Variants in GFI1B observed in about 807,000 individuals in gnomAD.
The protein encoded by GFI1B is zinc finger protein Gfi-1b.
A neutral mutation model predicts 35.3 loss-of-function variants in GFI1B; 20 were observed. The ratio of observed to expected loss-of-function variants is 0.57; its 90% CI spans 0.40 to 0.82. The LOEUF (loss-of-function observed/expected upper bound fraction) is 0.82. Among genes scored for constraint, GFI1B ranks in the 40% least tolerant of loss-of-function variants. GFI1B has a pLI of 0.00. For missense variants in GFI1B, 430 were observed against 446.3 expected (o/e 0.96, Z 0.33); for synonymous variants, 178 against 177.6 (o/e 1.00, Z -0.02).
Position 132,991,423 on chromosome 9 carries a change from A to T in GFI1B, c.*373A>T, listed in dbSNP as rs969910883. ...ACCTCCACCTGCCTGCTGCCCACTG[A>T]GCTGGGACCTGGTCACCTTGGATTT... On this transcript the variant is annotated 3_prime_UTR_variant, in exon 7 of 7. Coordinates refer to ENST00000372122, the MANE Select transcript of GFI1B (RefSeq NM_001377304.1). 7.6e-6 allele frequency: 2 copies of T among 264,230 alleles called. No individual in the cohort carries two copies. Among genetic ancestry groups the T allele is most frequent in the African/African-American group, 4.4e-5 (2 of 45,102 alleles). The allele number at this position is 264,230 out of a possible 1,614,324, so 16.4% of individuals were successfully genotyped here.
intron 1 of GFI1B, chr9:132,952,674 C>T (rs1488696504): frequency 1.3e-5 from 2 of 152,188 alleles, no homozygotes; most frequent in Admixed American, 1.3e-4. Flanking sequence ...GCTGGGACCT[C>T]CAGTACTATG....
At chr9:132,976,251 G>T (rs1055143757), upstream of GFI1B, among the ~76,000 whole-genome samples, 19 of 152,066 alleles carry the variant, frequency 1.2e-4, no homozygotes, top group African/African-American at 4.6e-4. Flanking sequence ...GTCAATAAAG[G>T]CTGCAAACGA....
chr9:132,980,458 T>C (rs139805493), intron 1 of GFI1B, among the ~76,000 whole-genome samples: 1 of 152,368 alleles, frequency 6.6e-6, no homozygotes, highest in African/African-American at 2.4e-5. Flanking sequence ...CTTTAGTCTA[T>C]AATATAGAGA....
intron 1 of GFI1B, among the ~76,000 whole-genome samples, chr9:132,970,277 C>T (rs1349309902): frequency 6.6e-6 from 1 of 152,132 alleles, no homozygotes; most frequent in Non-Finnish European, 1.5e-5. Context: ...CAGGGCCTCT[C>T]CCCATCAGTA....
intron 1 of GFI1B, among the ~76,000 whole-genome samples, chr9:132,957,492 C>A (rs949909757): frequency 1.3e-5 from 2 of 152,198 alleles, no homozygotes; most frequent in African/African-American, 4.8e-5. Context: ...CTAGCATCTC[C>A]TCTGCATTTC....
At chr9:132,986,636 G>C (rs530096075) in intron 1 of GFI1B, 23 bp from the exon 2 acceptor site, 1 of 1,231,040 alleles carries the variant, frequency 8.1e-7, no homozygotes, top group African/African-American at 1.5e-5. Flanking sequence ...CTTCCTAACC[G>C]CTCCCATCCC....
At chr9:132,974,704 G>T (rs941231188), upstream of GFI1B, among the ~76,000 whole-genome samples, 2 of 151,944 alleles carry the variant, frequency 1.3e-5, no homozygotes, top group African/African-American at 4.8e-5. Flanking sequence ...AGTGACTGGG[G>T]TGGGGAGGTC....
chr9:132,948,415 A>G (rs939018884), intron 1 of GFI1B, among the ~76,000 whole-genome samples: 6 of 152,220 alleles, frequency 3.9e-5, no homozygotes, highest in Non-Finnish European at 5.9e-5. Flanking sequence ...CCATGAAGCA[A>G]TAACTATTTT....
chr9:132,956,306 T>A (rs1367098552), intron 1 of GFI1B, among the ~76,000 whole-genome samples: 3 of 152,200 alleles, frequency 2.0e-5, no homozygotes, highest in Non-Finnish European at 1.5e-5. Context: ...TGTTATTATT[T>A]TTTTTTTGGC....
chr9:132,960,220 G>A (rs1848342620), intron 1 of GFI1B, among the ~76,000 whole-genome samples: 1 of 152,180 alleles, frequency 6.6e-6, no homozygotes, highest in Admixed American at 6.5e-5. Flanking sequence ...TTGATCAATG[G>A]TGATGGAGCA....
intron 4 of GFI1B, 35 bp downstream of exon 4, chr9:132,988,503 C>A (rs1849166575): frequency 2.5e-6 from 4 of 1,595,152 alleles, no homozygotes; most frequent in Non-Finnish European, 3.4e-6. Context: ...CACCTGGGCC[C>A]TCCTCTCCGC....
chr9:132,950,007 G>A (rs1268195332), intron 1 of GFI1B, among the ~76,000 whole-genome samples: 1 of 152,164 alleles, frequency 6.6e-6, no homozygotes, highest in Non-Finnish European at 1.5e-5. Context: ...AGCTACTTGA[G>A]TGGCTGAGGC....
chr9:132,948,214 T>G (rs937362075), intron 1 of GFI1B, among the ~76,000 whole-genome samples: 4 of 152,138 alleles, frequency 2.6e-5, no homozygotes, highest in Non-Finnish European at 4.4e-5. Flanking sequence ...AAAAGCAATT[T>G]TTCTCTTTCC....
At position 132,989,331 on chromosome 9, in the gene GFI1B, C is replaced by A; in HGVS notation, c.648+133C>A. ...ACAGATTGGGAGGGGTCCCCTAGTA[C>A]CCACCTCCCTGGGTCTGGGTCTCCA... On this transcript the variant is annotated intron_variant, in intron 5 of 6. Transcript: ENST00000372122. This position sits in a 1 kb window ranked among gnomAD's most constrained non-coding sequence, Gnocchi z 6.2. The A allele has an allele frequency of 1.2e-6, 1 of 844,132 alleles. No individual in the cohort carries two copies. Among genetic ancestry groups the A allele is most frequent in the Non-Finnish European group, 1.9e-6 (1 of 514,280 alleles). 52.3% of individuals were successfully genotyped at this position (844,132 alleles called of 1,614,324 possible). A position where few individuals can be genotyped will look rare whatever the true frequency, so the allele number is the denominator to read the frequency against.
chr9:132,954,787 C>T (rs1417331326), intron 1 of GFI1B, among the ~76,000 whole-genome samples: 1 of 151,212 alleles, frequency 6.6e-6, no homozygotes, highest in Non-Finnish European at 1.5e-5. Flanking sequence ...GGCGCAATCT[C>T]GACTCACTGC....
intron 1 of GFI1B, among the ~76,000 whole-genome samples, chr9:132,983,700 G>A (rs1434325854): frequency 6.6e-6 from 1 of 152,182 alleles, no homozygotes; most frequent in East Asian, 1.9e-4. Context: ...GACACTGCTT[G>A]ACACGGGCAC....
intron 1 of GFI1B, among the ~76,000 whole-genome samples, chr9:132,956,261 A>T (rs1423950074): frequency 6.6e-6 from 1 of 152,218 alleles, no homozygotes; most frequent in African/African-American, 2.4e-5. Flanking sequence ...TTCCAAAGAA[A>T]AGCTACTATC....
chr9:132,992,854 A>G (rs1415771671), downstream of GFI1B, among the ~76,000 whole-genome samples: 4 of 151,846 alleles, frequency 2.6e-5, no homozygotes, highest in Admixed American at 6.6e-5. Context: ...GCCCACAGCC[A>G]TGGACACCTC....
chr9:132,991,025 G>A lies in GFI1B; in HGVS notation c.968G>A (p.Arg323His), dbSNP rs373040348. 13 of 1,613,964 alleles carry A rather than the reference G, an allele frequency of 8.1e-6. No homozygotes were observed. The highest frequency in any genetic ancestry group is 3.3e-5 in the Admixed American group (2 of 60,034). The change falls in exon 7 of 7, where the codon CGC becomes CAC. Residue 323 changes from arginine to histidine, a missense_variant. Coordinates refer to ENST00000372122, the MANE Select transcript of GFI1B (RefSeq NM_001377304.1). ...CGCAAGGTGGACCTGCGGCGGCACC[G>A]CGAGAGCCAGCACAATCTCAAGTGA... Reference protein sequence around the residue: ...FQRKVDLRRHRESQHNLK With the variant: ...FQRKVDLRRHHESQHNLK
Sources: gnomAD v4.1 joint callset for allele counts (sites outside exome capture counted in the v4.1 genomes callset) on GRCh38, gnomAD v4.1.1 for gene constraint, Gnocchi (gnomAD v3.1) non-coding constraint, MANE v1.5 for transcripts, NCBI Gene and HGNC (gene_info 2026-07-23, HGNC 2026-07-21) for gene names.